Variants in SCAPER observed in about 807,000 individuals in gnomAD.
SCAPER encodes S phase cyclin A-associated protein in the endoplasmic reticulum.
Under a neutral mutation model 182.2 loss-of-function variants are expected in SCAPER, and 98 were observed. The ratio of observed to expected loss-of-function variants is 0.54; its 90% confidence interval spans 0.46 to 0.64. The LOEUF (loss-of-function observed/expected upper bound fraction) is 0.64. Among genes scored for constraint, SCAPER ranks in the 30% least tolerant of loss-of-function variants. The pLI is 0.00. For synonymous variants in SCAPER, 605 were observed against 564.6 expected (o/e 1.07, Z -1.01); for missense variants, 1,432 against 1,690.0 (o/e 0.85, Z 2.68).
intron 15 of SCAPER, among the ~76,000 whole-genome samples, chr15:76,750,625 A>C (rs2062033966): frequency 6.6e-6 from 1 of 151,960 alleles, no homozygotes; most frequent in Admixed American, 6.6e-5. Context: ...TGGCCAATGT[A>C]ACATTACACA....
chr15:76,806,885 C>G (rs957192342), intron 5 of SCAPER, among the ~76,000 whole-genome samples: 9 of 152,098 alleles, frequency 5.9e-5, no homozygotes, highest in Non-Finnish European at 1.0e-4. Context: ...TATAAAAATA[C>G]AACTGATTTT....
At chr15:76,894,455 A>T (rs989670080) in intron 1 of SCAPER, among the ~76,000 whole-genome samples, 12 of 152,298 alleles carry the variant, frequency 7.9e-5, no homozygotes, top group Non-Finnish European at 1.6e-4. Flanking sequence ...AAAAAGAGAA[A>T]GGCAAAACAA....
chr15:76,701,037 T>G (rs2058913611), intron 20 of SCAPER, among the ~76,000 whole-genome samples: 1 of 150,168 alleles, frequency 6.7e-6, no homozygotes, highest in Admixed American at 6.7e-5. Flanking sequence ...TATACATATG[T>G]AAAAATTCAT....
chr15:76,711,421 A>G (rs917984151), intron 17 of SCAPER, among the ~76,000 whole-genome samples: 8 of 152,202 alleles, frequency 5.3e-5, no homozygotes, highest in African/African-American at 1.4e-4. Flanking sequence ...CACACTGACA[A>G]CATGTTCAAC....
rs1479244264 is a variant in SCAPER at position 76,350,955 on chromosome 15, A to G, written c.4099+282T>C. ...ATTACAAAGCGGCTCTTTAGTAATTATTTACCATTTAATATATCTTGCATG... is the reference window on the plus strand; with the variant it reads ...ATTACAAAGCGGCTCTTTAGTAATTGTTTACCATTTAATATATCTTGCATG... On this transcript the variant is annotated intron_variant, in intron 31 of 31. Coordinates refer to ENST00000563290, the MANE Select transcript of SCAPER (RefSeq NM_020843.4). 7 of 270,796 alleles carry G rather than the reference A, an allele frequency of 2.6e-5. No homozygotes were observed. The East Asian group carries it at 4.9e-4, about 19-fold the overall frequency. 16.8% of individuals were successfully genotyped at this position (270,796 alleles called of 1,614,324 possible).
chr15:76,530,996 T>G (rs2144543032), intron 23 of SCAPER, among the ~76,000 whole-genome samples: 1 of 151,166 alleles, frequency 6.6e-6, no homozygotes, highest in South Asian at 2.1e-4. Context: ...TATACACGTG[T>G]ATATATATAT....
At chr15:76,885,496 C>A (rs544211088) in intron 1 of SCAPER, among the ~76,000 whole-genome samples, 3 of 152,166 alleles carry the variant, frequency 2.0e-5, no homozygotes, top group African/African-American at 7.2e-5. Context: ...TTCATTCACT[C>A]ATTTTGAGAC....
At chr15:76,395,547 G>A (rs984202510) in intron 27 of SCAPER, among the ~76,000 whole-genome samples, 4 of 152,110 alleles carry the variant, frequency 2.6e-5, no homozygotes, top group Non-Finnish European at 5.9e-5. Context: ...CATTTTAACT[G>A]GGATGAGATG....
intron 10 of SCAPER, among the ~76,000 whole-genome samples, chr15:76,768,691 A>G (rs988850548): frequency 6.6e-6 from 1 of 152,168 alleles, no homozygotes; most frequent in Non-Finnish European, 1.5e-5. Context: ...GTCGTTAGAA[A>G]AGAAATAGAT....
At chr15:76,480,160 T>C (rs2050990719) in intron 24 of SCAPER, among the ~76,000 whole-genome samples, 1 of 152,174 alleles carries the variant, frequency 6.6e-6, no homozygotes, top group Non-Finnish European at 1.5e-5. Flanking sequence ...TCCAATTCGT[T>C]AGGAAAGGGA....
intron 15 of SCAPER, among the ~76,000 whole-genome samples, chr15:76,751,243 A>G (rs1367252368): frequency 1.3e-5 from 2 of 151,740 alleles, no homozygotes; most frequent in Non-Finnish European, 3.0e-5. Flanking sequence ...ACAAATAAAT[A>G]AAAAATTATC....
At chr15:76,466,416 C>CTTGTTTT (rs1268592485) in intron 25 of SCAPER, among the ~76,000 whole-genome samples, 2 of 36,796 alleles carry the variant, frequency 5.4e-5, no homozygotes, top group Non-Finnish European at 1.3e-4. Flanking sequence ...TTGGTTGGTT[C>CTTGTTTT]TTCTTTTTTT....
chr15:76,566,231 G>C (rs188003566), intron 23 of SCAPER, among the ~76,000 whole-genome samples: 2 of 152,236 alleles, frequency 1.3e-5, no homozygotes, highest in East Asian at 3.9e-4. Flanking sequence ...CCTTATACAG[G>C]TATCGGTGAA....
At chr15:76,843,798 T>TA (rs918872436) in intron 4 of SCAPER, among the ~76,000 whole-genome samples, 88 of 146,954 alleles carry the variant, frequency 6.0e-4, no homozygotes, top group East Asian at 4.5e-3. Context: ...AAGCTCTCTT[T>TA]AAAAAAAAAA....
At chr15:76,431,706 G>GAAAAAAAAAAAAAAAAAAA (rs2046883250) in intron 26 of SCAPER, among the ~76,000 whole-genome samples, 2 of 46,016 alleles carry the variant, frequency 4.3e-5, no homozygotes, top group African/African-American at 1.9e-4. Flanking sequence ...AAAAAAAAAT[G>GAAAAAAAAAAAAAAAAAAA]CTTTGTTTGC....
At chr15:76,823,238 C>G (rs2067723033) in intron 5 of SCAPER, among the ~76,000 whole-genome samples, 1 of 152,118 alleles carries the variant, frequency 6.6e-6, no homozygotes. Flanking sequence ...GTAGCTGGAT[C>G]ATGTGAGGTC....
intron 5 of SCAPER, among the ~76,000 whole-genome samples, chr15:76,834,059 C>T (rs1598990794): frequency 6.6e-6 from 1 of 152,076 alleles, no homozygotes; most frequent in African/African-American, 2.4e-5. Context: ...ATAAATTCTT[C>T]TCATCTACAC....
rs115405775 is a variant in SCAPER, at chr15:76,621,196, T to C, written c.2711+568A>G. On this transcript the variant is annotated intron_variant, in intron 22 of 31. Transcript: ENST00000563290. ...TTCTAAGTACTTTTCTCACTGCAGC[T>C]CTACTGACAGTATTTTTAAGAGAAA... Among the ~76,000 whole-genome samples the C allele has an allele frequency of 3.6e-3, 555 of 152,312 alleles. 5 individuals carry two copies. Among genetic ancestry groups the C allele is most frequent in the African/African-American group, 0.013 (536 of 41,558 alleles).
At chr15:76,690,607 G>A (rs1358543826) in intron 20 of SCAPER, among the ~76,000 whole-genome samples, 1 of 152,066 alleles carries the variant, frequency 6.6e-6, no homozygotes, top group African/African-American at 2.4e-5. Flanking sequence ...TGTGCAAAGG[G>A]TATATAGAAA....
Sources: gnomAD v4.1 joint callset for allele counts (sites outside exome capture counted in the v4.1 genomes callset) on GRCh38, gnomAD v4.1.1 for gene constraint, MANE v1.5 for transcripts, NCBI Gene and HGNC (gene_info 2026-07-23, HGNC 2026-07-21) for gene names.